Variants in PTPRN2 observed in about 807,000 individuals in gnomAD.
PTPRN2 encodes the protein receptor-type tyrosine-protein phosphatase N2.
Under a neutral mutation model 118.8 loss-of-function variants are expected in PTPRN2, and 74 were observed. The ratio of observed to expected loss-of-function variants is 0.62; its 90% CI spans 0.52 to 0.76. The LOEUF (loss-of-function observed/expected upper bound fraction) is 0.76. Ranked by LOEUF, PTPRN2 falls within the 30% of genes least tolerant of loss-of-function variation. The pLI, the probability that PTPRN2 is intolerant of heterozygous loss-of-function variation, is 0.00. For missense variants in PTPRN2, 1,481 were observed against 1,394.4 expected (o/e 1.06, Z -0.99); for synonymous variants, 641 against 608.0 (o/e 1.05, Z -0.80).
At chr7:157,772,913 T>TCCAC (rs1429096130) in intron 12 of PTPRN2, among the ~76,000 whole-genome samples, 2 of 152,190 alleles carry the variant, frequency 1.3e-5, no homozygotes, top group Non-Finnish European at 2.9e-5. Flanking sequence ...GCTGGAGGCC[T>TCCAC]GGGTGATATG....
At chr7:157,740,381 G>A (rs1417353911) in intron 12 of PTPRN2, 3 of 151,938 alleles carry the variant, frequency 2.0e-5, no homozygotes, top group Non-Finnish European at 4.4e-5. Context: ...TCCGTCCACG[G>A]CAACGCGGGA....
intron 9 of PTPRN2, among the ~76,000 whole-genome samples, chr7:158,118,905 G>A: frequency 6.6e-6 from 1 of 152,136 alleles, no homozygotes; most frequent in Non-Finnish European, 1.5e-5. Flanking sequence ...GTTTTGCCAT[G>A]TTGCCCAGGC....
chr7:158,509,521 C>T lies in PTPRN2; in HGVS notation c.113-19736G>A, dbSNP rs547303889. Among the ~76,000 whole-genome samples the T allele has an allele frequency of 1.3e-5, 2 of 152,334 alleles. No homozygotes were observed. Among genetic ancestry groups the T allele is most frequent in the South Asian group, 4.1e-4 (2 of 4,826 alleles). On this transcript the variant is annotated intron_variant, in intron 1 of 22. Coordinates refer to ENST00000389418, the MANE Select transcript of PTPRN2 (RefSeq NM_002847.5). The surrounding 1 kb of genome is among the most constrained non-coding windows in gnomAD (Gnocchi z 4.4). ...AGTCCTCATCTCTTCTTTCTAGAAA[C>T]CCAAGTTAAAGATCAAGGTGACACA...
intron 11 of PTPRN2, among the ~76,000 whole-genome samples, chr7:157,931,908 G>A (rs77787807): frequency 0.013 from 1,993 of 152,184 alleles, 39 homozygotes; most frequent in African/African-American, 0.046. Flanking sequence ...GCTTTCTATT[G>A]TTACTCTAAG....
At chr7:157,549,152 G>C in intron 21 of PTPRN2, 133 bp from the exon 22 acceptor site, 2 of 832,706 alleles carry the variant, frequency 2.4e-6, no homozygotes, top group Non-Finnish European at 3.9e-6. Flanking sequence ...CCCTCAGCCG[G>C]CTGGCAGGCG....
At chr7:158,249,847 T>C (rs1299188465) in intron 3 of PTPRN2, among the ~76,000 whole-genome samples, 1 of 152,240 alleles carries the variant, frequency 6.6e-6, no homozygotes, top group African/African-American at 2.4e-5. Context: ...CTGCTTCTCC[T>C]GTGCTCCAGC....
In PTPRN2 at chr7:157,986,154, T is replaced by C. The variant is rs1326256123; in HGVS notation, c.1724-87417A>G. ...CAATAGCATGAGATAGATACCCTCA[T>C]CTACAGCCCCGCTCTCGTATGTCCG... On this transcript the variant is annotated intron_variant, in intron 11 of 22. Transcript: ENST00000389418. This position sits in a 1 kb window ranked among gnomAD's most constrained non-coding sequence, Gnocchi z 4.5. 6.6e-6 allele frequency among the ~76,000 whole-genome samples: 1 copy of C among 152,170 alleles called. No homozygotes were observed. The highest frequency in any genetic ancestry group is 1.5e-5 in the Non-Finnish European group (1 of 68,046).
chr7:157,678,507 A>G (rs1037764961), intron 13 of PTPRN2, among the ~76,000 whole-genome samples: 15 of 152,194 alleles, frequency 9.9e-5, no homozygotes. Context: ...ACCGGGGGTA[A>G]GAAGTCAGGG....
chr7:157,828,205 C>A (rs1312189240), intron 12 of PTPRN2, among the ~76,000 whole-genome samples: 1 of 152,186 alleles, frequency 6.6e-6, no homozygotes, highest in African/African-American at 2.4e-5. Flanking sequence ...TTCTCTGAGC[C>A]CCTTCCACGC....
chr7:157,977,571 TG>T lies in PTPRN2; in HGVS notation c.1724-78835del, dbSNP rs5888734. On this transcript the variant is annotated intron_variant, in intron 11 of 22. Transcript: ENST00000389418. The surrounding 1 kb of genome is among the most constrained non-coding windows in gnomAD (Gnocchi z 4.6). ...ATGGAGTAGTGTACAAGGCCCCAGG[TG>T]GGATGACGTGAGAAGGCCCCAGGTG... Among the ~76,000 whole-genome samples, 3,508 of 149,718 alleles carry T rather than the reference TG, an allele frequency of 0.023. 145 individuals carry two copies. The highest frequency in any genetic ancestry group is 0.082 in the African/African-American group (3,333 of 40,410).
At chr7:158,085,109 A>G (rs1349062027) in intron 10 of PTPRN2, among the ~76,000 whole-genome samples, 4 of 131,642 alleles carry the variant, frequency 3.0e-5, no homozygotes, top group Non-Finnish European at 6.3e-5. Flanking sequence ...ACACCCATCC[A>G]CACCCATGAC....
At chr7:158,340,396 G>C (rs1262227075) in intron 2 of PTPRN2, among the ~76,000 whole-genome samples, 2 of 72,558 alleles carry the variant, frequency 2.8e-5, no homozygotes, top group Non-Finnish European at 5.9e-5. Context: ...CACCATAAGA[G>C]CTGACACCCG....
intron 12 of PTPRN2, among the ~76,000 whole-genome samples, chr7:157,688,062 T>G (rs999665288): frequency 1.3e-5 from 2 of 152,174 alleles, no homozygotes; most frequent in African/African-American, 2.4e-5. Context: ...GCAGATGAAA[T>G]TGTACTTGCA....
intron 6 of PTPRN2, among the ~76,000 whole-genome samples, chr7:158,150,778 C>A (rs1028531291): frequency 6.6e-6 from 1 of 151,764 alleles, no homozygotes; most frequent in Non-Finnish European, 1.5e-5. Context: ...TCTGCAGCAC[C>A]GCGACCCAGC....
chr7:157,846,976 TCTCA>T (rs1283029474), intron 12 of PTPRN2, among the ~76,000 whole-genome samples: 3 of 150,448 alleles, frequency 2.0e-5, no homozygotes, highest in Admixed American at 6.6e-5. Flanking sequence ...CAGAGCCCTC[TCTCA>T]CTCCTTCATG....
At chr7:158,117,173 T>C (rs1376038191) in intron 9 of PTPRN2, among the ~76,000 whole-genome samples, 1 of 151,648 alleles carries the variant, frequency 6.6e-6, no homozygotes, top group East Asian at 1.9e-4. Context: ...AAGAAAGATG[T>C]AAAGAAAGTC....
intron 11 of PTPRN2, among the ~76,000 whole-genome samples, chr7:157,919,230 G>A (rs1024127160): frequency 9.9e-5 from 15 of 152,102 alleles, no homozygotes; most frequent in Non-Finnish European, 2.1e-4. Flanking sequence ...AATCATAAAT[G>A]TTGCATTCTC....
At chr7:158,159,314 G>C (rs7803872) in intron 6 of PTPRN2, among the ~76,000 whole-genome samples, 37,518 of 152,014 alleles carry the variant, frequency 0.25, 6,218 homozygotes, top group African/African-American at 0.48. Flanking sequence ...ATGAGTTTCC[G>C]AGTGCACTTC....
chr7:158,319,691 A>ACACACACT (rs576703892), intron 2 of PTPRN2, among the ~76,000 whole-genome samples: 65 of 5,974 alleles, frequency 0.011, 23 homozygotes, highest in African/African-American at 0.05. Context: ...AGCCTCTCTC[A>ACACACACT]CACAGCCTCC....
Sources: gnomAD v4.1 joint callset for allele counts (sites outside exome capture counted in the v4.1 genomes callset) on GRCh38, gnomAD v4.1.1 for gene constraint, Gnocchi (gnomAD v3.1) non-coding constraint, MANE v1.5 for transcripts, NCBI Gene and HGNC (gene_info 2026-07-23, HGNC 2026-07-21) for gene names.